ADGRB3: variants seen among roughly 807,000 people sequenced by gnomAD.
ADGRB3 encodes the protein brain-specific angiogenesis inhibitor 3.
In ADGRB3, 37 loss-of-function variants were observed where a neutral mutation model predicts 193.4. The observed-to-expected ratio is 0.19, with a 90% confidence interval of 0.15 to 0.25. The LOEUF is 0.25. Among genes scored for constraint, ADGRB3 ranks in the 10% least tolerant of loss-of-function variants. The pLI is 1.00. For synonymous variants in ADGRB3, 690 were observed against 644.2 expected (o/e 1.07, Z -1.08); for missense variants, 1,637 against 1,852.9 (o/e 0.88, Z 2.14).
chr6:68,785,498 A>G (rs970559594), intron 3 of ADGRB3, among the ~76,000 whole-genome samples: 9 of 151,854 alleles, frequency 5.9e-5, no homozygotes, highest in African/African-American at 1.7e-4. Context: ...ATCATTTTTT[A>G]TGGCTGCATA....
chr6:69,374,227 A>C (rs757487902), intron 30 of ADGRB3, among the ~76,000 whole-genome samples: 2 of 152,082 alleles, frequency 1.3e-5, no homozygotes, highest in African/African-American at 4.8e-5. Context: ...CTCATGTGCT[A>C]TAACAGGTAT....
intron 3 of ADGRB3, among the ~76,000 whole-genome samples, chr6:68,900,254 A>T (rs1182960293): frequency 6.6e-6 from 1 of 152,142 alleles, no homozygotes; most frequent in Non-Finnish European, 1.5e-5. Flanking sequence ...TATAAAAATG[A>T]CCATTTATTT....
intron 5 of ADGRB3, among the ~76,000 whole-genome samples, chr6:68,939,621 AT>A (rs1341007861): frequency 6.6e-6 from 1 of 152,108 alleles, no homozygotes; most frequent in Non-Finnish European, 1.5e-5. Context: ...AAGAATTGGA[AT>A]TTTTTCATCT....
chr6:69,205,470 G>A (rs966433757), intron 17 of ADGRB3, among the ~76,000 whole-genome samples: 5 of 151,220 alleles, frequency 3.3e-5, no homozygotes, highest in Non-Finnish European at 7.4e-5. Flanking sequence ...AAAAAGTACA[G>A]TACCCAGTTT....
intron 3 of ADGRB3, among the ~76,000 whole-genome samples, chr6:68,684,057 A>AT (rs1348357956): frequency 1.3e-5 from 2 of 152,162 alleles, no homozygotes; most frequent in Admixed American, 6.6e-5. Flanking sequence ...GGAAATATAG[A>AT]TTTTTTATTA....
At chr6:69,361,714 A>G (rs1769458319) in intron 29 of ADGRB3, among the ~76,000 whole-genome samples, 1 of 151,896 alleles carries the variant, frequency 6.6e-6, no homozygotes. Context: ...GTAGTGTATT[A>G]TCATCCCCTT....
chr6:68,991,517 T>C (rs570577835), intron 10 of ADGRB3, among the ~76,000 whole-genome samples: 2 of 151,304 alleles, frequency 1.3e-5, no homozygotes, highest in South Asian at 2.1e-4. Context: ...ACAAAAAGCA[T>C]GTGAATGCTT....
intron 17 of ADGRB3, among the ~76,000 whole-genome samples, chr6:69,121,747 C>T (rs926194359): frequency 1.3e-5 from 2 of 149,644 alleles, no homozygotes; most frequent in African/African-American, 4.9e-5. Context: ...TGATGGGCAG[C>T]CAGGCGTAGG....
intron 26 of ADGRB3, among the ~76,000 whole-genome samples, chr6:69,353,462 C>A (rs537106569): frequency 8.6e-4 from 131 of 152,268 alleles, no homozygotes; most frequent in African/African-American, 2.4e-3. Flanking sequence ...AGATTTCTTA[C>A]ATGAGACATA....
At chr6:68,866,651 T>C (rs950200232) in intron 3 of ADGRB3, among the ~76,000 whole-genome samples, 11 of 152,176 alleles carry the variant, frequency 7.2e-5, no homozygotes, top group Non-Finnish European at 1.5e-4. Context: ...TAGAGACTTG[T>C]TGAATGGTTT....
At chr6:68,868,211 A>G (rs1051776231) in intron 3 of ADGRB3, among the ~76,000 whole-genome samples, 1 of 152,266 alleles carries the variant, frequency 6.6e-6, no homozygotes, top group South Asian at 2.1e-4. Context: ...GGTTTCCCCT[A>G]TGCAGTTCTG....
intron 17 of ADGRB3, among the ~76,000 whole-genome samples, chr6:69,142,573 A>G (rs1273941267): frequency 2.0e-5 from 3 of 152,182 alleles, no homozygotes; most frequent in Non-Finnish European, 2.9e-5. Context: ...TATAAGGTCA[A>G]GGCCACACAA....
At chr6:69,186,768 C>G (rs1459446113) in intron 17 of ADGRB3, among the ~76,000 whole-genome samples, 3 of 151,788 alleles carry the variant, frequency 2.0e-5, no homozygotes. Context: ...TATGTAAAAC[C>G]AGAGGTCAAT....
At chr6:69,273,141 T>C (rs191973782) in intron 20 of ADGRB3, among the ~76,000 whole-genome samples, 2 of 152,264 alleles carry the variant, frequency 1.3e-5, no homozygotes, top group Admixed American at 1.3e-4. Context: ...CCTGAGGTGA[T>C]CCGCCCGCCT....
At chr6:69,047,258 TAGA>T (rs1283534710) in intron 13 of ADGRB3, among the ~76,000 whole-genome samples, 1 of 152,154 alleles carries the variant, frequency 6.6e-6, no homozygotes, top group African/African-American at 2.4e-5. Context: ...AAATATGATA[TAGA>T]ACAAGTGTGG....
intron 3 of ADGRB3, among the ~76,000 whole-genome samples, chr6:68,687,721 G>T (rs955842960): frequency 2.6e-5 from 4 of 151,794 alleles, no homozygotes; most frequent in African/African-American, 9.7e-5. Flanking sequence ...CCTTTCAGAG[G>T]AAAAAAACAG....
At chr6:68,912,286 G>A (rs1766736378) in intron 3 of ADGRB3, among the ~76,000 whole-genome samples, 1 of 151,662 alleles carries the variant, frequency 6.6e-6, no homozygotes, top group South Asian at 2.1e-4. Flanking sequence ...TGAATCTACT[G>A]TGGCCTAATA....
chr6:69,027,600 C>T (rs1174866099), intron 13 of ADGRB3, among the ~76,000 whole-genome samples: 1 of 152,104 alleles, frequency 6.6e-6, no homozygotes, highest in African/African-American at 2.4e-5. Flanking sequence ...TGATTATCAT[C>T]TGATGTAGGT....
chr6:69,212,969 A>G (rs1582549909), intron 17 of ADGRB3, among the ~76,000 whole-genome samples: 1 of 152,172 alleles, frequency 6.6e-6, no homozygotes, highest in Non-Finnish European at 1.5e-5. Flanking sequence ...AAGCTGATGC[A>G]TAGCTTGACA....
Sources: gnomAD v4.1 joint callset for allele counts (sites outside exome capture counted in the v4.1 genomes callset) on GRCh38, gnomAD v4.1.1 for gene constraint, MANE v1.5 for transcripts, NCBI Gene and HGNC (gene_info 2026-07-23, HGNC 2026-07-21) for gene names.